The following SELENON variants were observed in gnomAD, a reference collection of about 807,000 sequenced individuals.
The protein encoded by SELENON is selenoprotein N, also known as selenoprotein N, 1.
SELENON carries 44 observed loss-of-function variants against 59.5 expected under a neutral mutation model. The observed-to-expected ratio is 0.74, with a 90% CI of 0.58 to 0.95. The LOEUF is 0.95. Ranked by LOEUF, SELENON falls within the 40% of genes least tolerant of loss-of-function variation. The pLI is 0.00. For missense variants in SELENON, 674 were observed against 721.4 expected, an observed-to-expected ratio of 0.93 and a Z score of 0.75; for synonymous variants, 320 against 305.6, an observed-to-expected ratio of 1.05 and a Z score of -0.49.
Position 25,800,332 on chromosome 1 carries a change from C to T in SELENON, c.102C>T (p.Leu34=), listed in dbSNP as rs1473136002. ...GCCGCGCCCGTTCCCTGGCGCTGCTCGGAGCCCTGCTGGCCGCCGCCGCTG... is the reference window on the plus strand; with the variant it reads ...GCCGCGCCCGTTCCCTGGCGCTGCTTGGAGCCCTGCTGGCCGCCGCCGCTG... Residue 34 remains leucine, a synonymous_variant, in exon 1 of 13, where the codon CTC becomes CTT. Coordinates refer to ENST00000361547, the MANE Select transcript of SELENON (RefSeq NM_020451.3). The T allele has an allele frequency of 5.9e-6, 6 of 1,011,094 alleles. No individual in the cohort carries two copies. The highest frequency in any genetic ancestry group is 5.6e-5 in the Admixed American group (1 of 17,988). 62.6% of individuals were successfully genotyped at this position (1,011,094 alleles called of 1,614,324 possible). A position where few individuals can be genotyped will look rare whatever the true frequency, so the allele number is the denominator to read the frequency against.
intron 1 of SELENON, among the ~76,000 whole-genome samples, chr1:25,800,709 G>A (rs1343964422): frequency 6.6e-6 from 1 of 152,080 alleles, no homozygotes; most frequent in African/African-American, 2.4e-5. Context: ...AGTCTTAAAG[G>A]GTTACTGGGG....
intron 5 of SELENON, 93 bp downstream of exon 4, chr1:25,808,882 G>A (rs1034972831): frequency 1.5e-5 from 23 of 1,571,384 alleles, no homozygotes; most frequent in Non-Finnish European, 1.9e-5. Flanking sequence ...TGCCAGGCCT[G>A]CTCCACCTGC....
intron 3 of SELENON, among the ~76,000 whole-genome samples, chr1:25,803,853 C>T (rs1055385005): frequency 6.6e-6 from 1 of 151,896 alleles, no homozygotes; most frequent in Non-Finnish European, 1.5e-5. Flanking sequence ...CAGGGGTGCA[C>T]CACCATGCCC....
At position 25,808,658 on chromosome 1, in the gene SELENON, T is replaced by C; in HGVS notation, c.616T>C (p.Phe206Leu). Residue 206 changes from phenylalanine (F) to leucine (L), a missense_variant, in exon 5 of 13, where the codon TTC becomes CTC. Transcript: ENST00000361547. ...AAGTGCAGTGTTTGCCACCCGCCACTTCCAGCCCTTCCTTCCCCCGCCAGG... is the reference window on the plus strand; with the variant it reads ...AAGTGCAGTGTTTGCCACCCGCCACCTCCAGCCCTTCCTTCCCCCGCCAGG... The C allele has an allele frequency of 6.2e-7, 1 of 1,613,992 alleles. No individual in the cohort carries two copies. Among genetic ancestry groups the C allele is most frequent in the Non-Finnish European group, 8.5e-7 (1 of 1,179,968 alleles).
rs964458633 is a variant in SELENON at position 25,802,279 on chromosome 1, C to T, written c.403+162C>T. 4.0e-5 allele frequency among the ~76,000 whole-genome samples: 6 copies of T among 151,718 alleles called. No individual in the cohort carries two copies. In the South Asian group the frequency reaches 6.3e-4, roughly 16 times the overall value. On this transcript the variant is annotated intron_variant, in intron 3 of 12. Coordinates refer to ENST00000361547, the MANE Select transcript of SELENON (RefSeq NM_020451.3). Reference sequence around the variant, plus strand: ...TGCTGGAATTACAGGTGTGAACCACCGCACCCAGCCAGGAGCTATAACTAT... The same window carrying T: ...TGCTGGAATTACAGGTGTGAACCACTGCACCCAGCCAGGAGCTATAACTAT...
intron 2 of SELENON, among the ~76,000 whole-genome samples, chr1:25,801,786 G>A (rs935365307): frequency 2.6e-5 from 4 of 152,172 alleles, no homozygotes; most frequent in Non-Finnish European, 4.4e-5. Context: ...CTGGGAGATG[G>A]ACACTGTCAT....
chr1:25,808,796 ACAG>A lies in SELENON; in HGVS notation c.747+9_747+11del. ...GCCGCCCAAGGGCAAGGAGGTGAGG[ACAG>A]CTGGGGTGCGACGTGGGGCCCCTCC... On this transcript the variant is annotated splice_region_variant and intron_variant, in intron 5 of 12. Coordinates refer to ENST00000361547, the MANE Select transcript of SELENON (RefSeq NM_020451.3). The A allele has an allele frequency of 6.2e-7, 1 of 1,613,522 alleles. No individual in the cohort carries two copies. Among genetic ancestry groups the A allele is most frequent in the Non-Finnish European group, 8.5e-7 (1 of 1,179,874 alleles).
In SELENON at chr1:25,816,218, C is replaced by A. The variant is rs939708544; in HGVS notation, c.*500C>A. 1.3e-5 allele frequency: 2 copies of A among 158,250 alleles called. No individual in the cohort carries two copies. Among genetic ancestry groups the A allele is most frequent in the Non-Finnish European group, 2.8e-5 (2 of 71,478 alleles). 9.8% of individuals were successfully genotyped at this position (158,250 alleles called of 1,614,324 possible). A position where few individuals can be genotyped will look rare whatever the true frequency, so the allele number is the denominator to read the frequency against. The stretch of plus-strand genomic sequence containing the variant: ...AGAGCCTTCGTTCCTGGCCATACCC[C>A]GGACTGCCCTCCTGTGCCTGATGTC... On this transcript the variant is annotated 3_prime_UTR_variant, in exon 13 of 13. Coordinates refer to ENST00000361547, the MANE Select transcript of SELENON (RefSeq NM_020451.3).
At chr1:25,806,464 G>A (rs1438399471) in intron 4 of SELENON, among the ~76,000 whole-genome samples, 6 of 152,202 alleles carry the variant, frequency 3.9e-5, no homozygotes, top group Non-Finnish European at 8.8e-5. Context: ...GCAGCCTGGA[G>A]GATGCTGGGG....
At position 25,807,116 on chromosome 1, in the gene SELENON, G is replaced by T. The variant is rs1330120691; in HGVS notation, c.538-1464G>T. Among the ~76,000 whole-genome samples the T allele has an allele frequency of 6.6e-6, 1 of 151,810 alleles. No individual in the cohort carries two copies. The highest frequency in any genetic ancestry group is 1.5e-5 in the Non-Finnish European group (1 of 67,950). ...GCGTACAGGGATTATAGGGATTACA[G>T]GTGTGAGCCACCATGCCCGGCCGGG... On this transcript the variant is annotated intron_variant, in intron 4 of 12. Transcript: ENST00000361547. This position sits in a 1 kb window ranked among gnomAD's most constrained non-coding sequence, Gnocchi z 4.5.
At chr1:25,801,754 C>T (rs922699740) in intron 2 of SELENON, among the ~76,000 whole-genome samples, 8 of 152,200 alleles carry the variant, frequency 5.3e-5, no homozygotes, top group African/African-American at 1.7e-4. Context: ...TGTGGGTTCT[C>T]TCTTTAAACC....
chr1:25,801,721 G>A (rs184827994), intron 2 of SELENON, among the ~76,000 whole-genome samples: 21 of 152,170 alleles, frequency 1.4e-4, no homozygotes, highest in African/African-American at 4.1e-4. Flanking sequence ...CACCTCCTCC[G>A]TGCCAGGTAT....
chr1:25,811,360 G>C, intron 7 of SELENON, 94 bp from the exon 7 acceptor site: 1 of 1,123,844 alleles, frequency 8.9e-7, no homozygotes, highest in Admixed American at 1.7e-5. Flanking sequence ...GTCCTCATCT[G>C]GAAAGTGGAG....
At chr1:25,811,968 A>C in intron 9 of SELENON, 89 bp downstream of exon 8, 1 of 1,321,342 alleles carries the variant, frequency 7.6e-7, no homozygotes, top group Non-Finnish European at 1.1e-6. Context: ...AGACGCTGGT[A>C]TGTGTGCAGG....
chr1:25,816,165 G>A lies in SELENON; in HGVS notation c.*447G>A, dbSNP rs990023097. 4.8e-5 allele frequency: 8 copies of A among 165,982 alleles called. No homozygotes were observed. The highest frequency in any genetic ancestry group is 1.7e-4 in the Admixed American group (3 of 17,296). 10.3% of individuals were successfully genotyped at this position (165,982 alleles called of 1,614,324 possible). A position where few individuals can be genotyped will look rare whatever the true frequency, so the allele number is the denominator to read the frequency against. ...AGAAGCCCCAGCCAGGAGGGGCCAG[G>A]CTGCCAAGGCGGCTCCCCTGTTTAT... On this transcript the variant is annotated 3_prime_UTR_variant, in exon 13 of 13. Coordinates refer to ENST00000361547, the MANE Select transcript of SELENON (RefSeq NM_020451.3).
chr1:25,812,458 T>C (rs763380842), intron 9 of SELENON, among the ~76,000 whole-genome samples: 1 of 55,592 alleles, frequency 1.8e-5, no homozygotes, highest in Non-Finnish European at 3.7e-5. Context: ...CACTAACATA[T>C]ATATACACAC....
At position 25,801,116 on chromosome 1, in the gene SELENON, A is replaced by T. The variant is rs1019702401; in HGVS notation, c.257A>T (p.Tyr86Phe). 1.9e-6 allele frequency: 3 copies of T among 1,614,176 alleles called. No individual in the cohort carries two copies. Among genetic ancestry groups the T allele is most frequent in the Admixed American group, 3.3e-5 (2 of 60,016 alleles). The change falls in exon 2 of 13, where the codon TAC (tyrosine) becomes TTC (phenylalanine). Residue 86 changes from tyrosine to phenylalanine, a missense_variant. By Grantham distance (22) the Tyr-to-Phe change is conservative (BLOSUM62 3). Coordinates refer to ENST00000361547, the MANE Select transcript of SELENON (RefSeq NM_020451.3). ...TCCTTGGACACTGACGGGGATATGT[A>T]CATCAGCCCTGAGGAGTTCAAACCC...
At chr1:25,811,346 C>T in intron 7 of SELENON, 108 bp from the exon 7 acceptor site, 1 of 999,768 alleles carries the variant, frequency 1.0e-6, no homozygotes, top group Non-Finnish European at 1.6e-6. Flanking sequence ...TGAGAAACCT[C>T]AGTGTCCTCA....
chr1:25,801,218 T>G (rs1174822555), intron 2 of SELENON, 58 bp downstream of exon 2: 1 of 1,354,126 alleles, frequency 7.4e-7, no homozygotes, highest in Admixed American at 1.7e-5. Context: ...GTGTCTTCAC[T>G]GAGCAGGAGC....
Sources: gnomAD v4.1 joint callset for allele counts (sites outside exome capture counted in the v4.1 genomes callset) on GRCh38, gnomAD v4.1.1 for gene constraint, Gnocchi (gnomAD v3.1) non-coding constraint, MANE v1.5 for transcripts, NCBI Gene and HGNC (gene_info 2026-07-23, HGNC 2026-07-21) for gene names.